The following PUS7 variants were observed in gnomAD, a reference collection of about 807,000 sequenced individuals.
PUS7 encodes the protein pseudouridylate synthase 7 homolog.
Under a neutral mutation model 79.8 loss-of-function variants are expected in PUS7, and 48 were observed. The ratio of observed to expected loss-of-function variants is 0.60; its 90% CI spans 0.48 to 0.76. The LOEUF is 0.76. PUS7 is among the 30% of genes least tolerant of loss of function. PUS7 has a pLI of 0.00. For missense variants in PUS7, 729 were observed against 797.6 expected, an observed-to-expected ratio of 0.91 and a Z score of 1.04; for synonymous variants, 286 against 272.2, an observed-to-expected ratio of 1.05 and a Z score of -0.50.
intron 6 of PUS7, among the ~76,000 whole-genome samples, chr7:105,493,854 T>C (rs1277239462): frequency 6.6e-6 from 1 of 152,222 alleles, no homozygotes; most frequent in Non-Finnish European, 1.5e-5. Flanking sequence ...TAGAAGCATA[T>C]GAAAAGTAAT....
At chr7:105,475,335 GCCA>G (rs1419609707) in intron 9 of PUS7, among the ~76,000 whole-genome samples, 1 of 152,034 alleles carries the variant, frequency 6.6e-6, no homozygotes, top group Non-Finnish European at 1.5e-5. Flanking sequence ...ACAGGCGCGC[GCCA>G]CCACGCCTGG....
intron 6 of PUS7, among the ~76,000 whole-genome samples, chr7:105,493,617 G>C (rs1395420401): frequency 6.6e-6 from 1 of 152,202 alleles, no homozygotes; most frequent in Admixed American, 6.5e-5. Flanking sequence ...CCTTCAAAGA[G>C]GTGATTCAGT....
rs750353018 is a variant in PUS7 at position 105,508,132 on chromosome 7, C to A, written c.381G>T (p.Ser127=). 3.7e-6 allele frequency: 6 copies of A among 1,612,198 alleles called. No homozygotes were observed. Among genetic ancestry groups the A allele is most frequent in the South Asian group, 1.1e-5 (1 of 90,814 alleles). ...TKFVSSHQGF[S]GILKERYSDF... ...AAATGTACCTTTCTTTTAAGATTCC[C>A]GAGAACCCTTGATGAGAACTCACAA... Residue 127 remains serine, a synonymous_variant, in exon 2 of 16, where the codon TCG becomes TCT. Coordinates refer to ENST00000469408, the MANE Select transcript of PUS7 (RefSeq NM_019042.5).
intron 1 of PUS7, among the ~76,000 whole-genome samples, chr7:105,514,951 C>T (rs527371365): frequency 3.3e-5 from 5 of 152,200 alleles, no homozygotes; most frequent in South Asian, 2.1e-4. Flanking sequence ...CCCGCCACCA[C>T]GCCTAGCTAA....
intron 7 of PUS7, among the ~76,000 whole-genome samples, chr7:105,486,568 T>A (rs1407363530): frequency 6.6e-6 from 1 of 151,920 alleles, no homozygotes; most frequent in Non-Finnish European, 1.5e-5. Context: ...AAGCGGAGGA[T>A]CAGTATGAAC....
At chr7:105,506,348 C>A in intron 2 of PUS7, 75 bp from the exon 3 acceptor site, 1 of 1,052,760 alleles carries the variant, frequency 9.5e-7, no homozygotes, top group South Asian at 1.4e-5. Flanking sequence ...AGTTGATCAA[C>A]AGCAAGCCTT....
At chr7:105,465,790 G>A (rs1823618499) in intron 12 of PUS7, among the ~76,000 whole-genome samples, 1 of 151,974 alleles carries the variant, frequency 6.6e-6, no homozygotes, top group African/African-American at 2.4e-5. Context: ...CTGAGATCAA[G>A]CCATTGCACT....
intron 14 of PUS7, 116 bp from the exon 15 acceptor site, chr7:105,459,375 A>G: frequency 3.6e-6 from 2 of 550,766 alleles, no homozygotes; most frequent in Non-Finnish European, 6.0e-6. Flanking sequence ...AAATAATTAT[A>G]GTTAGGAATC....
chr7:105,499,792 T>C (rs1181022319), intron 5 of PUS7, among the ~76,000 whole-genome samples: 5 of 152,146 alleles, frequency 3.3e-5, no homozygotes, highest in Non-Finnish European at 7.3e-5. Flanking sequence ...CAGGATCTGG[T>C]AGTAATACAG....
intron 9 of PUS7, among the ~76,000 whole-genome samples, chr7:105,480,701 G>A (rs79944604): frequency 0.012 from 1,842 of 152,246 alleles, 30 homozygotes; most frequent in East Asian, 0.059. Flanking sequence ...ACTTGAACCT[G>A]GGAGGCAGAG....
chr7:105,477,187 C>G (rs1824147443), intron 9 of PUS7, among the ~76,000 whole-genome samples: 1 of 152,140 alleles, frequency 6.6e-6, no homozygotes, highest in Non-Finnish European at 1.5e-5. Flanking sequence ...ATGTTTTCTT[C>G]TAAGAGTTTG....
intron 9 of PUS7, among the ~76,000 whole-genome samples, chr7:105,475,312 A>T (rs1824048308): frequency 6.6e-6 from 1 of 152,078 alleles, no homozygotes; most frequent in South Asian, 2.1e-4. Flanking sequence ...CAGCCTCCCA[A>T]GTAGCTGGGA....
chr7:105,476,214 C>G (rs1824105036), intron 9 of PUS7, among the ~76,000 whole-genome samples: 1 of 151,260 alleles, frequency 6.6e-6, no homozygotes, highest in Non-Finnish European at 1.5e-5. Flanking sequence ...TGGATAAACA[C>G]TTGGGTTGCC....
At chr7:105,465,235 A>G (rs1586091046) in intron 13 of PUS7, 78 bp downstream of exon 13, 2 of 1,057,844 alleles carry the variant, frequency 1.9e-6, no homozygotes, top group East Asian at 2.5e-5. Flanking sequence ...ATAAATAACC[A>G]AAGTTTATAT....
Position 105,457,746 on chromosome 7 carries a change from G to A in PUS7, c.*44C>T. 1 of 1,593,272 alleles carries A rather than the reference G, an allele frequency of 6.3e-7. No individual in the cohort carries two copies. Among genetic ancestry groups the A allele is most frequent in the South Asian group, 1.1e-5 (1 of 88,160 alleles). On this transcript the variant is annotated 3_prime_UTR_variant, in exon 16 of 16. Transcript: ENST00000469408. ...ACAAAAATGCACAGGGAGCCAGGAA[G>A]CAAACACTTGTGTACGTTTTCTAAT... is the stretch of plus-strand genomic sequence containing the variant.
At chr7:105,510,423 A>G (rs1311210569) in intron 1 of PUS7, among the ~76,000 whole-genome samples, 1 of 152,256 alleles carries the variant, frequency 6.6e-6, no homozygotes, top group East Asian at 1.9e-4. Flanking sequence ...GGTGGTATAT[A>G]GTTCTGCAAG....
intron 5 of PUS7, among the ~76,000 whole-genome samples, chr7:105,502,126 T>C (rs536996848): frequency 3.9e-5 from 6 of 152,242 alleles, no homozygotes; most frequent in Admixed American, 1.3e-4. Flanking sequence ...CCACTCAGTA[T>C]GCTCTGCTCT....
At chr7:105,475,375 T>C (rs12705312) in intron 9 of PUS7, among the ~76,000 whole-genome samples, 26,578 of 151,916 alleles carry the variant, frequency 0.17, 2,799 homozygotes, top group East Asian at 0.33. Context: ...TTAGTAGAGA[T>C]GGGGTTTCAC....
At chr7:105,469,795 A>G (rs914345395) in intron 11 of PUS7, among the ~76,000 whole-genome samples, 15 of 152,002 alleles carry the variant, frequency 9.9e-5, no homozygotes, top group African/African-American at 3.4e-4. Context: ...GTTTCACCAC[A>G]TTGGCCAGGT....
Sources: allele counts gnomAD v4.1 joint callset (sites outside exome capture counted in the v4.1 genomes callset), GRCh38; gene constraint gnomAD v4.1.1; transcripts MANE v1.5; gene names NCBI Gene and HGNC (gene_info 2026-07-23, HGNC 2026-07-21).